FOXP1: variants seen among roughly 807,000 people sequenced by gnomAD.
FOXP1 encodes the protein forkhead box protein P1.
In FOXP1, 15 loss-of-function variants were observed where a neutral mutation model predicts 98.2. That is an observed-to-expected ratio of 0.15 (90% CI 0.10 to 0.24). FOXP1 has a LOEUF of 0.24. FOXP1 is among the 10% of genes least tolerant of loss of function. The pLI, the probability that FOXP1 is intolerant of heterozygous loss-of-function variation, is 1.00. For missense variants in FOXP1, 633 were observed against 848.5 expected (o/e 0.75, Z 3.15); for synonymous variants, 371 against 314.5 (o/e 1.18, Z -1.90).
chr3:71,485,319 A>G (rs2090568825), intron 3 of FOXP1, among the ~76,000 whole-genome samples: 1 of 152,182 alleles, frequency 6.6e-6, no homozygotes, highest in Admixed American at 6.5e-5. Context: ...AAACCCCCTT[A>G]TATCCATCAC....
chr3:71,238,905 C>A (rs1441558055), intron 5 of FOXP1, among the ~76,000 whole-genome samples: 1 of 152,200 alleles, frequency 6.6e-6, no homozygotes, highest in Non-Finnish European at 1.5e-5. Flanking sequence ...AGAGCATTTT[C>A]TTCTGTATTT....
At chr3:71,430,125 G>A (rs968430908) in intron 3 of FOXP1, among the ~76,000 whole-genome samples, 16 of 152,110 alleles carry the variant, frequency 1.1e-4, no homozygotes, top group African/African-American at 3.6e-4. Flanking sequence ...ACCACCCTGG[G>A]AATGAGACAA....
chr3:71,361,647 G>A (rs1294149592), intron 3 of FOXP1, among the ~76,000 whole-genome samples: 2 of 152,172 alleles, frequency 1.3e-5, no homozygotes, highest in Non-Finnish European at 2.9e-5. Context: ...TGACATTGAT[G>A]GCGGGGCACA....
At chr3:71,189,970 G>T (rs1252274500) in intron 6 of FOXP1, among the ~76,000 whole-genome samples, 1 of 152,168 alleles carries the variant, frequency 6.6e-6, no homozygotes, top group Non-Finnish European at 1.5e-5. Flanking sequence ...AATTCACTGG[G>T]GCCACGTTAG....
chr3:71,513,269 C>A (rs967311871), intron 2 of FOXP1, among the ~76,000 whole-genome samples: 3 of 152,182 alleles, frequency 2.0e-5, no homozygotes, highest in Admixed American at 6.5e-5. Flanking sequence ...CACAACTTGT[C>A]CTTCCCAATC....
At chr3:71,177,720 A>G (rs184486878) in intron 6 of FOXP1, among the ~76,000 whole-genome samples, 4 of 152,326 alleles carry the variant, frequency 2.6e-5, no homozygotes, top group Admixed American at 6.5e-5. Context: ...TAACACAGGT[A>G]CAGTACTAAG....
chr3:71,479,127 T>C (rs1244881880), intron 3 of FOXP1, among the ~76,000 whole-genome samples: 1 of 152,120 alleles, frequency 6.6e-6, no homozygotes, highest in Non-Finnish European at 1.5e-5. Flanking sequence ...TTTATATGCA[T>C]TAAAACAAAG....
chr3:71,107,929 C>T (rs569158494), intron 7 of FOXP1, among the ~76,000 whole-genome samples: 1 of 152,278 alleles, frequency 6.6e-6, no homozygotes, highest in Admixed American at 6.5e-5. Flanking sequence ...AAGCAAGAAT[C>T]CACATGATCA....
chr3:71,457,131 G>A (rs1392141963), intron 3 of FOXP1, among the ~76,000 whole-genome samples: 2 of 150,546 alleles, frequency 1.3e-5, no homozygotes, highest in Non-Finnish European at 3.0e-5. Context: ...AAAAAAAAAA[G>A]CATCTGAAAT....
chr3:71,231,700 G>A lies in FOXP1; in HGVS notation c.-11-33308C>T, dbSNP rs529465637. Among the ~76,000 whole-genome samples, 13 of 152,294 alleles carry A rather than the reference G, an allele frequency of 8.5e-5. No homozygotes were observed. The South Asian group carries it at 2.5e-3, about 29-fold the overall frequency. On this transcript the variant is annotated intron_variant, in intron 5 of 20. Coordinates refer to ENST00000649528, the MANE Select transcript of FOXP1 (RefSeq NM_001349338.3). ...CCAGGGAAATATAAGTTAAAATAAC[G>A]ATGAAAGATGAGTGAATAGAAAAAG...
At chr3:71,403,959 AT>A (rs1386726805) in intron 3 of FOXP1, among the ~76,000 whole-genome samples, 6 of 152,074 alleles carry the variant, frequency 3.9e-5, no homozygotes, top group Non-Finnish European at 7.4e-5. Flanking sequence ...AGAATGTAAA[AT>A]TCCATTTTAT....
At chr3:71,077,332 T>C (rs1479377195) in intron 7 of FOXP1, among the ~76,000 whole-genome samples, 1 of 152,200 alleles carries the variant, frequency 6.6e-6, no homozygotes, top group African/African-American at 2.4e-5. Flanking sequence ...AGCCTCGCTG[T>C]ACTGAAGTGA....
intron 5 of FOXP1, among the ~76,000 whole-genome samples, chr3:71,255,456 T>C (rs1251677375): frequency 6.6e-6 from 1 of 152,192 alleles, no homozygotes; most frequent in Non-Finnish European, 1.5e-5. Flanking sequence ...ATTTTGATTT[T>C]ATTATGTTTC....
chr3:71,197,736 G>A (rs987729252), intron 6 of FOXP1: 12 of 792,446 alleles, frequency 1.5e-5, no homozygotes, highest in East Asian at 8.1e-5. Context: ...CGCCATCTCC[G>A]CCTGTCTTTC....
intron 7 of FOXP1, among the ~76,000 whole-genome samples, chr3:71,071,717 G>A (rs2053257195): frequency 6.6e-6 from 1 of 152,100 alleles, no homozygotes; most frequent in Non-Finnish European, 1.5e-5. Context: ...GGGATTACAG[G>A]CACCTGCCAC....
intron 2 of FOXP1, among the ~76,000 whole-genome samples, chr3:71,542,594 G>A (rs1477767765): frequency 1.3e-5 from 2 of 152,366 alleles, no homozygotes; most frequent in African/African-American, 4.8e-5. Context: ...AAGCCGCACA[G>A]ACGACACAGT....
Position 70,987,977 on chromosome 3 carries a change from T to G in FOXP1, c.1146+17A>C, listed in dbSNP as rs1256113174. The stretch of plus-strand genomic sequence containing the variant: ...GTGAGTTTTGTTTTTTTCCCCTTGG[T>G]GGGGATCAATACTTACGGGCTGAGG... On this transcript the variant is annotated intron_variant, in intron 14 of 20. Transcript: ENST00000649528. 14 of 1,611,086 alleles carry G rather than the reference T, an allele frequency of 8.7e-6. No individual in the cohort carries two copies. Among genetic ancestry groups the G allele is most frequent in the Non-Finnish European group, 1.1e-5 (13 of 1,177,326 alleles).
intron 6 of FOXP1, among the ~76,000 whole-genome samples, chr3:71,123,557 A>C (rs2058939235): frequency 6.6e-6 from 1 of 152,206 alleles, no homozygotes; most frequent in Non-Finnish European, 1.5e-5. Context: ...GAGCTAAGAG[A>C]GTACAGGTCT....
chr3:71,242,385 G>A (rs1316360626), intron 5 of FOXP1, among the ~76,000 whole-genome samples: 1 of 152,024 alleles, frequency 6.6e-6, no homozygotes, highest in Non-Finnish European at 1.5e-5. Flanking sequence ...TCTCCTCATC[G>A]AATCATAGCT....
Sources: gnomAD v4.1 joint callset for allele counts (sites outside exome capture counted in the v4.1 genomes callset) on GRCh38, gnomAD v4.1.1 for gene constraint, MANE v1.5 for transcripts, NCBI Gene and HGNC (gene_info 2026-07-23, HGNC 2026-07-21) for gene names.